Variants in ROBO2 observed in about 807,000 individuals in gnomAD.
ROBO2 encodes roundabout guidance receptor 2.
ROBO2 carries 53 observed loss-of-function variants against 160.8 expected under a neutral mutation model. The ratio of observed to expected loss-of-function variants is 0.33; its 90% CI spans 0.26 to 0.41. ROBO2 has a LOEUF of 0.41. Ranked by LOEUF, ROBO2 falls within the 10% of genes least tolerant of loss-of-function variation. The pLI is 1.00. For synonymous variants in ROBO2, 664 were observed against 611.7 expected (o/e 1.09, Z -1.26); for missense variants, 1,577 against 1,722.4 (o/e 0.92, Z 1.49).
intron 1 of ROBO2, among the ~76,000 whole-genome samples, chr3:75,920,478 T>C (rs1946986841): frequency 1.3e-5 from 2 of 152,176 alleles, no homozygotes; most frequent in Admixed American, 6.5e-5. Context: ...ATAAGTGCTA[T>C]GTGGTGCTGA....
chr3:76,567,804 TATA>T, intron 2 of ROBO2, among the ~76,000 whole-genome samples: 1 of 88,480 alleles, frequency 1.1e-5, no homozygotes, highest in African/African-American at 4.2e-5. Flanking sequence ...TGTGTATATA[TATA>T]TTTTTTTTTT....
At chr3:76,571,368 C>A (rs4856042) in intron 2 of ROBO2, among the ~76,000 whole-genome samples, 12,724 of 151,872 alleles carry the variant, frequency 0.084, 789 homozygotes, top group East Asian at 0.23. Context: ...AGAATTTTTC[C>A]AACTCTGATT....
intron 2 of ROBO2, among the ~76,000 whole-genome samples, chr3:76,983,965 G>A (rs1471792351): frequency 6.6e-6 from 1 of 152,194 alleles, no homozygotes; most frequent in East Asian, 1.9e-4. Context: ...TAACAATCAT[G>A]GCAGAATGCA....
intron 2 of ROBO2, among the ~76,000 whole-genome samples, chr3:76,466,658 C>T (rs1016775418): frequency 1.3e-5 from 2 of 151,886 alleles, no homozygotes; most frequent in African/African-American, 4.8e-5. Flanking sequence ...CCCATCATTT[C>T]CTATCAGAAA....
At chr3:77,637,278 G>T (rs2095280231) in intron 24 of ROBO2, among the ~76,000 whole-genome samples, 1 of 152,166 alleles carries the variant, frequency 6.6e-6, no homozygotes, top group African/African-American at 2.4e-5. Flanking sequence ...AAGCTTAGTT[G>T]AAAAAGAAGA....
intron 2 of ROBO2, among the ~76,000 whole-genome samples, chr3:76,789,549 A>G (rs2063213447): frequency 2.6e-5 from 4 of 151,494 alleles, no homozygotes; most frequent in Admixed American, 2.0e-4. Context: ...TCCCCTTCCT[A>G]TTGTACTGCG....
At chr3:77,461,840 G>C (rs2082276680) in intron 2 of ROBO2, among the ~76,000 whole-genome samples, 1 of 151,564 alleles carries the variant, frequency 6.6e-6, no homozygotes, top group East Asian at 2.0e-4. Flanking sequence ...CCATTCTCCT[G>C]CCGCAGCCTC....
At chr3:77,339,958 A>G (rs2066891701) in intron 2 of ROBO2, among the ~76,000 whole-genome samples, 1 of 152,212 alleles carries the variant, frequency 6.6e-6, no homozygotes, top group South Asian at 2.1e-4. Flanking sequence ...TTGATGGCAA[A>G]TGAGATGCCC....
intron 2 of ROBO2, among the ~76,000 whole-genome samples, chr3:77,111,978 G>A (rs555967127): frequency 6.6e-6 from 1 of 152,030 alleles, no homozygotes; most frequent in South Asian, 2.1e-4. Flanking sequence ...TTGGGAGGCC[G>A]AGGTGGGCGG....
intron 8 of ROBO2, among the ~76,000 whole-genome samples, chr3:77,552,257 T>A (rs895322335): frequency 3.9e-5 from 6 of 152,068 alleles, no homozygotes; most frequent in African/African-American, 1.4e-4. Context: ...TTATTCTATA[T>A]TCCTAAGAAC....
At chr3:76,896,419 A>G (rs915103764) in intron 2 of ROBO2, among the ~76,000 whole-genome samples, 3 of 152,124 alleles carry the variant, frequency 2.0e-5, no homozygotes, top group Admixed American at 2.0e-4. Flanking sequence ...GTGAGGATGT[A>G]TTGACTACTT....
At chr3:76,138,063 G>T (rs1416886521) in intron 2 of ROBO2, among the ~76,000 whole-genome samples, 1 of 151,882 alleles carries the variant, frequency 6.6e-6, no homozygotes, top group African/African-American at 2.4e-5. Flanking sequence ...AAGCATAACC[G>T]TGACTTTATC....
At chr3:76,045,871 GT>G (rs2067430146) in intron 2 of ROBO2, among the ~76,000 whole-genome samples, 1 of 151,888 alleles carries the variant, frequency 6.6e-6, no homozygotes, top group African/African-American at 2.4e-5. Context: ...CAGTAGAAGA[GT>G]TTTATTTTTA....
At chr3:76,318,102 A>C (rs2072195949) in intron 2 of ROBO2, among the ~76,000 whole-genome samples, 2 of 152,094 alleles carry the variant, frequency 1.3e-5, no homozygotes, top group South Asian at 4.1e-4. Flanking sequence ...TATAATTTTT[A>C]ATTTAATGAC....
chr3:76,480,017 T>C (rs563720054), intron 2 of ROBO2, among the ~76,000 whole-genome samples: 9 of 137,216 alleles, frequency 6.6e-5, no homozygotes, highest in African/African-American at 2.3e-4. Flanking sequence ...AAAGTAGCTT[T>C]TTTAAATAGA....
At chr3:76,713,544 A>C (rs890454979) in intron 2 of ROBO2, among the ~76,000 whole-genome samples, 1 of 152,166 alleles carries the variant, frequency 6.6e-6, no homozygotes, top group Admixed American at 6.5e-5. Flanking sequence ...TTTGGTCAGA[A>C]ATGAATAATT....
At chr3:76,123,494 GT>G (rs1229948863) in intron 2 of ROBO2, among the ~76,000 whole-genome samples, 1 of 151,914 alleles carries the variant, frequency 6.6e-6, no homozygotes, top group Admixed American at 6.6e-5. Context: ...TTCATGGGAT[GT>G]TTTTTTCTTT....
chr3:76,207,591 C>G (rs566282933), intron 2 of ROBO2, among the ~76,000 whole-genome samples: 1 of 152,052 alleles, frequency 6.6e-6, no homozygotes, highest in Non-Finnish European at 1.5e-5. Flanking sequence ...CTGAAAATCA[C>G]CTGTGTGACA....
At chr3:76,562,980 T>A (rs908653713) in intron 2 of ROBO2, among the ~76,000 whole-genome samples, 3 of 152,082 alleles carry the variant, frequency 2.0e-5, no homozygotes, top group African/African-American at 4.8e-5. Context: ...CTTCTTCATC[T>A]ATCTGTTTAC....
Sources: gnomAD v4.1 joint callset for allele counts (sites outside exome capture counted in the v4.1 genomes callset) on GRCh38, gnomAD v4.1.1 for gene constraint, MANE v1.5 for transcripts, NCBI Gene and HGNC (gene_info 2026-07-23, HGNC 2026-07-21) for gene names.